Variants in MN1 observed in about 807,000 individuals in gnomAD.
MN1 encodes transcriptional activator MN1.
In MN1, 19 loss-of-function variants were observed where a neutral mutation model predicts 86.9. That is an observed-to-expected ratio of 0.22 (90% CI 0.15 to 0.32). The LOEUF (loss-of-function observed/expected upper bound fraction) is 0.32, where lower values mean the gene tolerates loss of function less well. Among genes scored for constraint, MN1 ranks in the 10% least tolerant of loss-of-function variants. MN1 has a pLI of 1.00. For synonymous variants in MN1, 928 were observed against 849.6 expected (o/e 1.09, Z -1.60); for missense variants, 1,841 against 1,862.0 (o/e 0.99, Z 0.21).
At chr22:27,769,214 A>T (rs1395077462) in intron 1 of MN1, among the ~76,000 whole-genome samples, 1 of 152,198 alleles carries the variant, frequency 6.6e-6, no homozygotes, top group Non-Finnish European at 1.5e-5. Context: ...CTCCTAGGGA[A>T]CCTTCAGAGT....
At chr22:27,794,070 G>C (rs1004384415) in intron 1 of MN1, among the ~76,000 whole-genome samples, 1 of 152,116 alleles carries the variant, frequency 6.6e-6, no homozygotes, top group Non-Finnish European at 1.5e-5. Flanking sequence ...AGGCTAATGG[G>C]ACCATGAGCA....
chr22:27,775,155 T>C (rs1430971014), intron 1 of MN1, among the ~76,000 whole-genome samples: 1 of 152,226 alleles, frequency 6.6e-6, no homozygotes, highest in Non-Finnish European at 1.5e-5. Context: ...CCTCCTCATC[T>C]ATAAAATGGG....
rs751081286 is a variant in MN1, at chr22:27,751,013, C to T, written c.3865G>A (p.Val1289Met). Residue 1289 changes from valine (V) to methionine (M), a missense_variant, in exon 2 of 2, where the codon GTG becomes ATG. Val to Met is a conservative substitution (Grantham distance 21, BLOSUM62 1). Transcript: ENST00000302326. ...QCLSVHCTDD[V>M]GDAKARASVP... ...GAGGCTCGAGCCTTGGCGTCACCCA[C>T]GTCGTCTGTGCAGTGGACAGACAGG... 14 of 1,612,864 alleles carry T rather than the reference C, an allele frequency of 8.7e-6. No homozygotes were observed. In the East Asian group the frequency reaches 2.0e-4, roughly 23 times the overall value.
At chr22:27,769,630 G>A (rs1932898410) in intron 1 of MN1, among the ~76,000 whole-genome samples, 1 of 126,124 alleles carries the variant, frequency 7.9e-6, no homozygotes. Context: ...TCGGCTCGCT[G>A]CAAGCTCCGC....
Position 27,800,835 on chromosome 22 carries a change from G to C in MN1, c.-292C>G. 1.9e-6 allele frequency: 1 copy of C among 522,658 alleles called. No individual in the cohort carries two copies. The highest frequency in any genetic ancestry group is 3.4e-5 in the East Asian group (1 of 29,020). The allele number at this position is 522,658 out of a possible 1,614,324, so 32.4% of individuals were successfully genotyped here. On this transcript the variant is annotated 5_prime_UTR_variant, in exon 1 of 2. Coordinates refer to ENST00000302326, the MANE Select transcript of MN1 (RefSeq NM_002430.3). ...TGCCCCGGGCGGTTGTCACAGCCGC[G>C]GGTGGGTCTGCGGGGAGGGGACGAA...
intron 1 of MN1, among the ~76,000 whole-genome samples, chr22:27,763,837 C>G (rs1056149408): frequency 6.6e-6 from 1 of 152,184 alleles, no homozygotes; most frequent in Non-Finnish European, 1.5e-5. Flanking sequence ...AGCAGGAGCT[C>G]CACCAGAGCA....
At position 27,797,949 on chromosome 22, in the gene MN1, G is replaced by A. The variant is rs1229129817; in HGVS notation, c.2595C>T (p.Thr865=). 3.8e-6 allele frequency: 6 copies of A among 1,593,542 alleles called. No individual in the cohort carries two copies. Among genetic ancestry groups the A allele is most frequent in the Non-Finnish European group, 5.1e-6 (6 of 1,169,388 alleles). ...GGTTGCCGGCCACTGCCGCGCCGTCGGTCTCGTTCTGGCTCAGTTTCCTCT... is the reference window on the plus strand; with the variant it reads ...GGTTGCCGGCCACTGCCGCGCCGTCAGTCTCGTTCTGGCTCAGTTTCCTCT... ...EGKRKLSQNE[T]DGAAVAGNPG... is the part of the protein sequence containing the mutation. The change falls in exon 1 of 2, where the codon ACC becomes ACT. Residue 865 remains threonine (T), a synonymous_variant. Coordinates refer to ENST00000302326, the MANE Select transcript of MN1 (RefSeq NM_002430.3).
At chr22:27,793,965 A>C (rs2146313436) in intron 1 of MN1, among the ~76,000 whole-genome samples, 1 of 152,326 alleles carries the variant, frequency 6.6e-6, no homozygotes, top group South Asian at 2.1e-4. Context: ...ATATCATTAC[A>C]AAAATGGGCT....
chr22:27,755,703 G>GC (rs1932797759), intron 1 of MN1, among the ~76,000 whole-genome samples: 1 of 152,100 alleles, frequency 6.6e-6, no homozygotes, highest in South Asian at 2.1e-4. Flanking sequence ...GGTTCAGTCT[G>GC]CCCCCTGCTC....
At chr22:27,791,552 G>A (rs1933210931) in intron 1 of MN1, among the ~76,000 whole-genome samples, 1 of 152,130 alleles carries the variant, frequency 6.6e-6, no homozygotes, top group Non-Finnish European at 1.5e-5. Flanking sequence ...TGAAACCACT[G>A]GTTGCAGCCC....
intron 1 of MN1, among the ~76,000 whole-genome samples, chr22:27,773,201 G>A (rs933347632): frequency 6.6e-6 from 1 of 151,764 alleles, no homozygotes; most frequent in African/African-American, 2.4e-5. Context: ...AGCTGCTACC[G>A]TTGCCAGCCT....
chr22:27,761,771 G>A (rs1223279004), intron 1 of MN1, among the ~76,000 whole-genome samples: 1 of 152,260 alleles, frequency 6.6e-6, no homozygotes, highest in East Asian at 1.9e-4. Context: ...GCCGGCCGCT[G>A]CAGCAGTGCA....
intron 1 of MN1, among the ~76,000 whole-genome samples, chr22:27,780,676 C>G (rs1933042236): frequency 1.3e-5 from 2 of 152,182 alleles, no homozygotes; most frequent in Admixed American, 6.5e-5. Flanking sequence ...CTCTCAGAGA[C>G]CTTCCTGGTG....
At chr22:27,759,315 A>G (rs1932820013) in intron 1 of MN1, among the ~76,000 whole-genome samples, 2 of 151,888 alleles carry the variant, frequency 1.3e-5, no homozygotes. Flanking sequence ...GTCCCCTTCT[A>G]TAGAAAGATA....
chr22:27,750,151 C>G lies in MN1; in HGVS notation c.*764G>C, dbSNP rs570916198. The G allele has an allele frequency of 1.7e-5, 4 of 231,898 alleles. No individual in the cohort carries two copies. The highest frequency in any genetic ancestry group is 8.8e-5 in the African/African-American group (4 of 45,384). The allele number at this position is 231,898 out of a possible 1,614,324, so 14.4% of individuals were successfully genotyped here. The stretch of plus-strand genomic sequence containing the variant: ...CCCACAGAGCAGAGCTGGACACGTC[C>G]TCACGTCCATCGCAGAGAGGGGCGG... On this transcript the variant is annotated 3_prime_UTR_variant, in exon 2 of 2. Coordinates refer to ENST00000302326, the MANE Select transcript of MN1 (RefSeq NM_002430.3).
At chr22:27,774,894 T>C (rs1932957508) in intron 1 of MN1, among the ~76,000 whole-genome samples, 1 of 152,102 alleles carries the variant, frequency 6.6e-6, no homozygotes, top group Admixed American at 6.5e-5. Flanking sequence ...CCAGGCCAGC[T>C]ATACCCCCTC....
At chr22:27,782,325 C>T (rs962625595) in intron 1 of MN1, among the ~76,000 whole-genome samples, 1 of 152,204 alleles carries the variant, frequency 6.6e-6, no homozygotes, top group African/African-American at 2.4e-5. Flanking sequence ...CCCAGCCCGG[C>T]CCCGCCCTAT....
chr22:27,755,860 G>A (rs918752529), intron 1 of MN1, among the ~76,000 whole-genome samples: 18 of 152,176 alleles, frequency 1.2e-4, no homozygotes, highest in East Asian at 1.9e-4. Context: ...AACTCACTCC[G>A]TTTCTCTTAC....
chr22:27,761,375 G>A (rs1568971879), intron 1 of MN1, among the ~76,000 whole-genome samples: 1 of 144,268 alleles, frequency 6.9e-6, no homozygotes, highest in Non-Finnish European at 1.5e-5. Context: ...TTATTCTCTA[G>A]TTCTTCTTAT....
Sources: gnomAD v4.1 joint callset for allele counts (sites outside exome capture counted in the v4.1 genomes callset) on GRCh38, gnomAD v4.1.1 for gene constraint, MANE v1.5 for transcripts, NCBI Gene and HGNC (gene_info 2026-07-23, HGNC 2026-07-21) for gene names.